Variants in CNTN1 observed in about 807,000 individuals in gnomAD.
The protein encoded by CNTN1 is contactin-1.
Under a neutral mutation model 126.4 loss-of-function variants are expected in CNTN1, and 38 were observed. The ratio of observed to expected loss-of-function variants is 0.30; its 90% CI spans 0.23 to 0.39. The LOEUF is 0.39. CNTN1 is among the 10% of genes least tolerant of loss of function. The probability of loss-of-function intolerance (pLI) is 1.00; values close to 1 mark genes in which losing one functional copy is unlikely to be tolerated. For missense variants in CNTN1, 1,009 were observed against 1,248.4 expected, an observed-to-expected ratio of 0.81 and a Z score of 2.89; for synonymous variants, 413 against 422.6, an observed-to-expected ratio of 0.98 and a Z score of 0.28.
chr12:40,711,920 A>T (rs1404720158), intron 1 of CNTN1, among the ~76,000 whole-genome samples: 1 of 152,040 alleles, frequency 6.6e-6, no homozygotes, highest in African/African-American at 2.4e-5. Flanking sequence ...TATGTTTGCT[A>T]TGTTTTCCAA....
intron 1 of CNTN1, among the ~76,000 whole-genome samples, chr12:40,782,406 TA>T (rs1254714654): frequency 6.6e-6 from 1 of 151,980 alleles, no homozygotes; most frequent in Non-Finnish European, 1.5e-5. Flanking sequence ...AACAACAACT[TA>T]AAACTTCTTA....
intron 1 of CNTN1, among the ~76,000 whole-genome samples, chr12:40,713,211 A>G (rs990023526): frequency 2.8e-5 from 4 of 144,976 alleles, no homozygotes; most frequent in Non-Finnish European, 4.6e-5. Flanking sequence ...TTTGAATCCT[A>G]TATCATGGCT....
intron 1 of CNTN1, among the ~76,000 whole-genome samples, chr12:40,894,032 G>A (rs1286708903): frequency 1.3e-5 from 2 of 152,018 alleles, no homozygotes; most frequent in Non-Finnish European, 2.9e-5. Context: ...ACTCATCCCT[G>A]AATTCCTCCC....
At chr12:41,011,120 G>A (rs1363185390) in intron 17 of CNTN1, among the ~76,000 whole-genome samples, 1 of 152,172 alleles carries the variant, frequency 6.6e-6, no homozygotes, top group Non-Finnish European at 1.5e-5. Context: ...TACCTATCAG[G>A]ATCATCAGAA....
At chr12:40,947,824 CACACAT>C (rs1946492694) in intron 14 of CNTN1, among the ~76,000 whole-genome samples, 1 of 115,742 alleles carries the variant, frequency 8.6e-6, no homozygotes, top group African/African-American at 3.4e-5. Flanking sequence ...CACACACACA[CACACAT>C]ATGTATTACT....
chr12:40,778,198 A>G, intron 1 of CNTN1, among the ~76,000 whole-genome samples: 1 of 151,856 alleles, frequency 6.6e-6, no homozygotes, highest in Non-Finnish European at 1.5e-5. Flanking sequence ...CAAACTATAA[A>G]AAAGTATCTT....
chr12:40,899,934 C>A (rs1436931596), intron 1 of CNTN1, among the ~76,000 whole-genome samples: 1 of 152,032 alleles, frequency 6.6e-6, no homozygotes, highest in African/African-American at 2.4e-5. Context: ...TACTAAGTAT[C>A]TTTTAAAAAA....
At position 41,002,556 on chromosome 12, in the gene CNTN1, TTC is replaced by T. The variant is rs1429219876; in HGVS notation, c.2113+9289_2113+9290del. Among the ~76,000 whole-genome samples the T allele has an allele frequency of 9.8e-5, 14 of 143,026 alleles. 1 individual carries two copies. The highest frequency in any genetic ancestry group is 3.5e-4 in the Admixed American group (5 of 14,158). 93.8% of individuals were successfully genotyped at this position (143,026 alleles called of 152,430 possible). On this transcript the variant is annotated intron_variant, in intron 17 of 23. Coordinates refer to ENST00000551295, the MANE Select transcript of CNTN1 (RefSeq NM_001843.4). The stretch of plus-strand genomic sequence containing the variant: ...TTTGGGCTGAGACTATAGGGTTTCT[TTC>T]TTTTTTTTTTTTTTTTTGAGATGGA...
chr12:40,821,125 G>C (rs1941429009), intron 1 of CNTN1, among the ~76,000 whole-genome samples: 2 of 152,216 alleles, frequency 1.3e-5, no homozygotes, highest in South Asian at 2.1e-4. Flanking sequence ...GAGACATAAT[G>C]AGACAGGTCT....
intron 1 of CNTN1, among the ~76,000 whole-genome samples, chr12:40,830,809 A>G (rs1165148644): frequency 7.5e-5 from 9 of 119,836 alleles, no homozygotes; most frequent in South Asian, 2.8e-4. Flanking sequence ...ATATATATAT[A>G]TATATATATA....
intron 17 of CNTN1, among the ~76,000 whole-genome samples, chr12:40,997,559 T>C (rs562741732): frequency 2.4e-4 from 36 of 152,326 alleles, no homozygotes; most frequent in Non-Finnish European, 4.4e-4. Context: ...GTTGCTGTCA[T>C]TAATACTTAA....
At chr12:40,990,690 C>T (rs188797087) in intron 16 of CNTN1, among the ~76,000 whole-genome samples, 6 of 152,350 alleles carry the variant, frequency 3.9e-5, no homozygotes, top group Admixed American at 3.9e-4. Context: ...ATCAGTCAAT[C>T]AACTGCAGCT....
intron 1 of CNTN1, among the ~76,000 whole-genome samples, chr12:40,749,329 C>A (rs186579281): frequency 1.3e-5 from 2 of 152,198 alleles, no homozygotes; most frequent in East Asian, 3.9e-4. Context: ...TTTCAGTTAA[C>A]ACACCACAAT....
At chr12:40,754,090 T>A (rs933076879) in intron 1 of CNTN1, among the ~76,000 whole-genome samples, 1 of 152,104 alleles carries the variant, frequency 6.6e-6, no homozygotes, top group South Asian at 2.1e-4. Context: ...CTTCACAATA[T>A]TTGGTACACT....
intron 1 of CNTN1, among the ~76,000 whole-genome samples, chr12:40,758,997 G>A (rs1938727632): frequency 6.6e-6 from 1 of 152,038 alleles, no homozygotes; most frequent in South Asian, 2.1e-4. Context: ...CTCCCACTCT[G>A]GATTCAAGCT....
At chr12:40,794,811 T>C (rs957042740) in intron 1 of CNTN1, among the ~76,000 whole-genome samples, 27 of 151,968 alleles carry the variant, frequency 1.8e-4, no homozygotes, top group African/African-American at 6.5e-4. Context: ...AGTCTGCCAA[T>C]TGAGGAAGGA....
chr12:40,875,799 T>C (rs1185912193), intron 1 of CNTN1, among the ~76,000 whole-genome samples: 3 of 152,134 alleles, frequency 2.0e-5, no homozygotes, highest in Admixed American at 2.0e-4. Context: ...TTTTTTTGGC[T>C]ATTAAATATA....
chr12:41,000,878 G>A (rs1948343848), intron 17 of CNTN1, among the ~76,000 whole-genome samples: 1 of 152,168 alleles, frequency 6.6e-6, no homozygotes, highest in Non-Finnish European at 1.5e-5. Context: ...GTGAGAGCAT[G>A]CAGTATTTGG....
intron 1 of CNTN1, among the ~76,000 whole-genome samples, chr12:40,707,227 C>CTTTTCTTTTTTTTTTTTTTTTTTTTTTT (rs1941782316): frequency 9.2e-6 from 1 of 109,166 alleles, no homozygotes; most frequent in African/African-American, 3.8e-5. Context: ...TTTTCTTTTT[C>CTTTTCTTTTTTTTTTTTTTTTTTTTTTT]TTTTTTTTTT....
Sources: allele counts gnomAD v4.1 joint callset (sites outside exome capture counted in the v4.1 genomes callset), GRCh38; gene constraint gnomAD v4.1.1; transcripts MANE v1.5; gene names NCBI Gene and HGNC (gene_info 2026-07-23, HGNC 2026-07-21).